SH3GL2: variants seen among roughly 807,000 people sequenced by gnomAD.
SH3GL2 encodes SH3 domain containing GRB2 like 2, endophilin A1, also known as endophilin-A1.
SH3GL2 carries 24 observed loss-of-function variants against 46.0 expected under a neutral mutation model. The observed-to-expected ratio is 0.52, with a 90% confidence interval of 0.38 to 0.73. The LOEUF (loss-of-function observed/expected upper bound fraction) is 0.73. Among genes scored for constraint, SH3GL2 ranks in the 30% least tolerant of loss-of-function variants. The pLI is 0.00. For synonymous variants in SH3GL2, 196 were observed against 147.1 expected (o/e 1.33, Z -2.40); for missense variants, 413 against 424.2 (o/e 0.97, Z 0.23).
intron 1 of SH3GL2, among the ~76,000 whole-genome samples, chr9:17,613,598 C>T (rs1818916987): frequency 6.6e-6 from 1 of 152,144 alleles, no homozygotes; most frequent in Admixed American, 6.5e-5. Flanking sequence ...AAATAAAGCA[C>T]AAATGTGTTT....
rs58408701 is a variant in SH3GL2 at position 17,743,569 on chromosome 9, A to AACACACACACACACACACACACACACAC, written c.46-3492_46-3465dup. The stretch of plus-strand genomic sequence containing the variant: ...TCTCTTCTTCCCTCTCTCTTTTGTG[A>AACACACACACACACACACACACACACAC]ACACACACACACACACACACACACA... On this transcript the variant is annotated intron_variant, in intron 1 of 8. Coordinates refer to ENST00000380607, the MANE Select transcript of SH3GL2 (RefSeq NM_003026.5). Among the ~76,000 whole-genome samples the AACACACACACACACACACACACACACAC allele has an allele frequency of 2.8e-5, 4 of 143,586 alleles. No homozygotes were observed. The East Asian group carries it at 6.4e-4, about 23-fold the overall frequency. The allele number at this position is 143,586 out of a possible 152,430, so 94.2% of individuals were successfully genotyped here.
rs3832602 is a variant in SH3GL2 at position 17,796,113 on chromosome 9, CTT to C, written c.*372_*373del. 2.2e-5 allele frequency: 4 copies of C among 184,702 alleles called. No homozygotes were observed. The East Asian group carries it at 5.4e-4, about 25-fold the overall frequency. 11.4% of individuals were successfully genotyped at this position (184,702 alleles called of 1,614,324 possible). Reference sequence around the variant, plus strand: ...CACCCCAGGGGCCATCTGAAGGTCTCTTTGCATTTCTCCATGCAAAGAGGAGA... The same window carrying C: ...CACCCCAGGGGCCATCTGAAGGTCTCTGCATTTCTCCATGCAAAGAGGAGA... On this transcript the variant is annotated 3_prime_UTR_variant, in exon 9 of 9. Coordinates refer to ENST00000380607, the MANE Select transcript of SH3GL2 (RefSeq NM_003026.5).
chr9:17,598,236 A>G (rs1202307519), intron 1 of SH3GL2, among the ~76,000 whole-genome samples: 2 of 152,212 alleles, frequency 1.3e-5, no homozygotes, highest in Non-Finnish European at 2.9e-5. Context: ...CACATAAAAA[A>G]GAGCAGGTTA....
chr9:17,763,562 G>A (rs188396179), intron 3 of SH3GL2, among the ~76,000 whole-genome samples: 1 of 152,246 alleles, frequency 6.6e-6, no homozygotes, highest in East Asian at 1.9e-4. Context: ...GAAGACATGA[G>A]GAAGGATTCT....
chr9:17,787,628 C>T (rs1054625971), intron 5 of SH3GL2, 115 bp downstream of exon 5: 30 of 764,294 alleles, frequency 3.9e-5, no homozygotes, highest in Admixed American at 2.3e-4. Flanking sequence ...GCTCTGGGCA[C>T]GTTAATTACA....
chr9:17,628,585 T>A (rs1819344802), intron 1 of SH3GL2, among the ~76,000 whole-genome samples: 1 of 152,186 alleles, frequency 6.6e-6, no homozygotes, highest in Non-Finnish European at 1.5e-5. Context: ...GTTAACAGCA[T>A]ACATTTAGAG....
intron 1 of SH3GL2, among the ~76,000 whole-genome samples, chr9:17,682,272 G>C (rs1820790831): frequency 6.6e-6 from 1 of 151,898 alleles, no homozygotes; most frequent in South Asian, 2.1e-4. Context: ...TATGTTTTTT[G>C]CGTATTATTT....
chr9:17,713,050 C>G (rs988881435), intron 1 of SH3GL2, among the ~76,000 whole-genome samples: 5 of 151,212 alleles, frequency 3.3e-5, no homozygotes, highest in African/African-American at 1.2e-4. Context: ...TAAGGGCATT[C>G]CTTTCCCTTC....
chr9:17,676,309 A>G (rs987363561), intron 1 of SH3GL2, among the ~76,000 whole-genome samples: 1 of 152,148 alleles, frequency 6.6e-6, no homozygotes, highest in African/African-American at 2.4e-5. Flanking sequence ...CTCAGACTGT[A>G]AAAAGTATAT....
chr9:17,782,438 A>G lies in SH3GL2; in HGVS notation c.188-3943A>G, dbSNP rs146228866. 3.0e-3 allele frequency among the ~76,000 whole-genome samples: 453 copies of G among 152,322 alleles called. 2 individuals carry two copies. The highest frequency in any genetic ancestry group is 0.01 in the African/African-American group (424 of 41,592). ...TCCTAAGGGAAGATTGGAGTGAATG[A>G]TGGTAAACCATATAGCTTTTTAGCC... On this transcript the variant is annotated intron_variant, in intron 3 of 8. Coordinates refer to ENST00000380607, the MANE Select transcript of SH3GL2 (RefSeq NM_003026.5).
At chr9:17,639,302 A>G (rs567473109) in intron 1 of SH3GL2, among the ~76,000 whole-genome samples, 1 of 152,342 alleles carries the variant, frequency 6.6e-6, no homozygotes, top group South Asian at 2.1e-4. Context: ...TTGTAAAGCA[A>G]AAATCTAATG....
chr9:17,718,564 A>G (rs999063176), intron 1 of SH3GL2, among the ~76,000 whole-genome samples: 3 of 152,108 alleles, frequency 2.0e-5, no homozygotes, highest in Non-Finnish European at 4.4e-5. Context: ...CTCTACCAAA[A>G]CAACCCCACA....
chr9:17,656,491 T>C (rs16935846), intron 1 of SH3GL2, among the ~76,000 whole-genome samples: 17,849 of 152,078 alleles, frequency 0.12, 2,965 homozygotes, highest in African/African-American at 0.37. Flanking sequence ...TTGCCTGTAG[T>C]TCCTTGATGA....
intron 2 of SH3GL2, among the ~76,000 whole-genome samples, chr9:17,750,442 A>G (rs1822811038): frequency 6.6e-6 from 1 of 152,152 alleles, no homozygotes; most frequent in Non-Finnish European, 1.5e-5. Flanking sequence ...GCTGAGATGC[A>G]GTAAAATCAT....
At chr9:17,718,835 G>T (rs967605601) in intron 1 of SH3GL2, among the ~76,000 whole-genome samples, 1 of 152,134 alleles carries the variant, frequency 6.6e-6, no homozygotes, top group Non-Finnish European at 1.5e-5. Flanking sequence ...GATGATTCTG[G>T]TTCAGGTGGG....
At chr9:17,638,165 A>AAC (rs1819588735) in intron 1 of SH3GL2, among the ~76,000 whole-genome samples, 1 of 151,302 alleles carries the variant, frequency 6.6e-6, no homozygotes, top group Non-Finnish European at 1.5e-5. Flanking sequence ...TCAAAAAAAA[A>AAC]ACAAAAAAAC....
At chr9:17,715,407 G>C (rs1821726639) in intron 1 of SH3GL2, among the ~76,000 whole-genome samples, 1 of 151,154 alleles carries the variant, frequency 6.6e-6, no homozygotes, top group South Asian at 2.1e-4. Context: ...AATTTTTTTT[G>C]TCTCTCTCCA....
At chr9:17,702,758 A>G (rs1457518792) in intron 1 of SH3GL2, among the ~76,000 whole-genome samples, 2 of 152,142 alleles carry the variant, frequency 1.3e-5, no homozygotes, top group Admixed American at 6.6e-5. Flanking sequence ...CAGTAAGTAA[A>G]TAATGTCCAC....
intron 5 of SH3GL2, among the ~76,000 whole-genome samples, chr9:17,788,882 C>T (rs1169272205): frequency 2.7e-5 from 4 of 149,222 alleles, no homozygotes; most frequent in South Asian, 2.2e-4. Context: ...GCTCAGGAAT[C>T]CATATTGTGA....
Sources: allele counts gnomAD v4.1 joint callset (sites outside exome capture counted in the v4.1 genomes callset), GRCh38; gene constraint gnomAD v4.1.1; transcripts MANE v1.5; gene names NCBI Gene and HGNC (gene_info 2026-07-23, HGNC 2026-07-21).